RNF111: variants seen among roughly 807,000 people sequenced by gnomAD.
RNF111 encodes the protein ring finger protein 111.
Under a neutral mutation model 95.1 loss-of-function variants are expected in RNF111, and 17 were observed. The ratio of observed to expected loss-of-function variants is 0.18; its 90% confidence interval spans 0.12 to 0.27. The LOEUF is 0.27. Ranked by LOEUF, RNF111 falls within the 10% of genes least tolerant of loss-of-function variation. The pLI is 1.00. For missense variants in RNF111, 1,189 were observed against 1,210.4 expected (o/e 0.98, Z 0.26); for synonymous variants, 440 against 414.8 (o/e 1.06, Z -0.74).
intron 1 of RNF111, among the ~76,000 whole-genome samples, chr15:58,994,239 A>G (rs2038946210): frequency 6.6e-6 from 1 of 151,386 alleles, no homozygotes; most frequent in Non-Finnish European, 1.5e-5. Flanking sequence ...GGGTTTCGCT[A>G]TGTTGGCCAG....
chr15:59,003,026 G>A (rs1250169170), intron 1 of RNF111, among the ~76,000 whole-genome samples: 1 of 152,122 alleles, frequency 6.6e-6, no homozygotes, highest in East Asian at 1.9e-4. Context: ...TGTTGCCAGC[G>A]CGGGATTGCA....
chr15:59,064,783 C>T (rs2042587263), intron 5 of RNF111, among the ~76,000 whole-genome samples: 1 of 151,734 alleles, frequency 6.6e-6, no homozygotes, highest in African/African-American at 2.4e-5. Context: ...TAGATTAGAG[C>T]TACTGTGTAA....
At chr15:58,997,884 T>G (rs1454422796) in intron 1 of RNF111, among the ~76,000 whole-genome samples, 3 of 151,840 alleles carry the variant, frequency 2.0e-5, no homozygotes, top group Non-Finnish European at 4.4e-5. Flanking sequence ...GTGTATGTGT[T>G]TTTTTTGTTT....
intron 2 of RNF111, among the ~76,000 whole-genome samples, chr15:59,048,857 G>C (rs1166476831): frequency 6.6e-6 from 1 of 152,086 alleles, no homozygotes; most frequent in Non-Finnish European, 1.5e-5. Context: ...GGGGACTGAG[G>C]TGGGAGGAGT....
At chr15:59,079,324 A>G (rs1439371570) in intron 7 of RNF111, among the ~76,000 whole-genome samples, 1 of 152,242 alleles carries the variant, frequency 6.6e-6, no homozygotes, top group Non-Finnish European at 1.5e-5. Flanking sequence ...TTCATTTTTT[A>G]TGATTAAGAG....
intron 1 of RNF111, among the ~76,000 whole-genome samples, chr15:59,007,206 A>G (rs1226262390): frequency 6.6e-6 from 1 of 152,166 alleles, no homozygotes. Context: ...GACCTCAAAA[A>G]GTTACATGCT....
At chr15:59,075,832 TC>T in intron 6 of RNF111, 121 bp from the exon 7 acceptor site, 2 of 1,061,814 alleles carry the variant, frequency 1.9e-6, no homozygotes, top group Non-Finnish European at 1.3e-6. Context: ...CTAAGAATCT[TC>T]CTGGTTTCAA....
chr15:58,995,174 G>A (rs1394372878), intron 1 of RNF111, among the ~76,000 whole-genome samples: 3 of 152,058 alleles, frequency 2.0e-5, no homozygotes, highest in African/African-American at 4.8e-5. Context: ...ATCCCCCAAG[G>A]CCCATGTAGC....
At chr15:59,023,274 G>C (rs1260958987) in intron 1 of RNF111, among the ~76,000 whole-genome samples, 1 of 151,958 alleles carries the variant, frequency 6.6e-6, no homozygotes, top group African/African-American at 2.4e-5. Context: ...TGAGGAAGTA[G>C]CATGCTGGTT....
intron 1 of RNF111, among the ~76,000 whole-genome samples, chr15:59,020,236 T>C (rs576353845): frequency 5.3e-5 from 8 of 149,922 alleles, no homozygotes; most frequent in Non-Finnish European, 1.2e-4. Context: ...ATAATATGTA[T>C]ATACTGTACA....
chr15:59,013,795 C>CTTTTT (rs567801014), intron 1 of RNF111, among the ~76,000 whole-genome samples: 3 of 150,552 alleles, frequency 2.0e-5, no homozygotes, highest in Non-Finnish European at 4.4e-5. Context: ...CATTTTTTTT[C>CTTTTT]TTTTTTTTTG....
intron 1 of RNF111, among the ~76,000 whole-genome samples, chr15:58,991,703 A>G (rs73414887): frequency 1.3e-5 from 2 of 152,132 alleles, no homozygotes; most frequent in African/African-American, 4.8e-5. Context: ...GTGAGGTTTG[A>G]TTCTAGAGAA....
intron 6 of RNF111, among the ~76,000 whole-genome samples, chr15:59,074,586 T>G (rs2043086800): frequency 6.6e-6 from 1 of 152,218 alleles, no homozygotes; most frequent in African/African-American, 2.4e-5. Flanking sequence ...AATTGAAGAG[T>G]TAGGGCCTTG....
intron 6 of RNF111, among the ~76,000 whole-genome samples, chr15:59,074,539 T>C (rs558442569): frequency 1.4e-4 from 21 of 152,352 alleles, no homozygotes; most frequent in Non-Finnish European, 2.5e-4. Flanking sequence ...TTCAGACTTT[T>C]CTTCTGCAGC....
intron 2 of RNF111, among the ~76,000 whole-genome samples, chr15:59,046,272 C>T (rs1486499465): frequency 3.3e-5 from 5 of 151,856 alleles, no homozygotes; most frequent in African/African-American, 7.3e-5. Flanking sequence ...GGGGTCCCTG[C>T]AGCCTCAGCC....
intron 1 of RNF111, chr15:59,004,049 C>T (rs1023964370): frequency 1.0e-5 from 5 of 495,746 alleles, no homozygotes; most frequent in African/African-American, 2.1e-5. Context: ...TGTTTATCCT[C>T]CTTGCCGTAG....
At chr15:59,022,048 C>CG (rs2040370507) in intron 1 of RNF111, among the ~76,000 whole-genome samples, 1 of 151,824 alleles carries the variant, frequency 6.6e-6, no homozygotes, top group Admixed American at 6.6e-5. Context: ...TTAGTTGAGA[C>CG]GGGGTATCAC....
At position 59,081,178 on chromosome 15, in the gene RNF111, A is replaced by G. The variant is rs1454581847; in HGVS notation, c.2191A>G (p.Ile731Val). Residue 731 changes from isoleucine to valine, a missense_variant, in exon 8 of 14, where the codon ATT becomes GTT. Around this residue, in one of 2 missense-constraint regions of RNF111, gnomAD observed 1,024 missense variants for 925.9 expected, o/e 1.11. Transcript: ENST00000348370. ...PQHLPPTHQP[I>V]SHHIPATAPP... ...GCATCTTCCTCCTACACACCAGCCA[A>G]TTTCGCACCATATTCCAGCCACAGC... is the stretch of plus-strand genomic sequence containing the variant. The G allele has an allele frequency of 5.0e-6, 8 of 1,613,928 alleles. No homozygotes were observed. Among genetic ancestry groups the G allele is most frequent in the Non-Finnish European group, 6.8e-6 (8 of 1,180,018 alleles).
At chr15:59,057,816 A>T (rs1479262650) in intron 4 of RNF111, among the ~76,000 whole-genome samples, 1 of 152,216 alleles carries the variant, frequency 6.6e-6, no homozygotes, top group Non-Finnish European at 1.5e-5. Flanking sequence ...AGTTCATCCT[A>T]ATGACAGTTC....
Sources: allele counts gnomAD v4.1 joint callset (sites outside exome capture counted in the v4.1 genomes callset), GRCh38; gene constraint gnomAD v4.1.1; regional missense constraint gnomAD v4.1.1; transcripts MANE v1.5; gene names NCBI Gene and HGNC (gene_info 2026-07-23, HGNC 2026-07-21).